Variants in CFTR observed in about 807,000 individuals in gnomAD.
CFTR encodes the protein cystic fibrosis transmembrane conductance regulator.
In CFTR, 181 loss-of-function variants were observed where a neutral mutation model predicts 171.6. The ratio of observed to expected loss-of-function variants is 1.05; its 90% CI spans 0.93 to 1.19. CFTR has a LOEUF of 1.19. Among genes scored for constraint, CFTR ranks in the 50% most tolerant of loss-of-function variants. The probability of loss-of-function intolerance (pLI) is 0.00; values close to 1 mark genes in which losing one functional copy is unlikely to be tolerated. For missense variants in CFTR, 1,968 were observed against 1,734.7 expected (o/e 1.13, Z -2.39); for synonymous variants, 583 against 608.0 (o/e 0.96, Z 0.60).
intron 1 of CFTR, among the ~76,000 whole-genome samples, chr7:117,498,955 A>G (rs1037503935): frequency 6.6e-6 from 1 of 152,078 alleles, no homozygotes; most frequent in Non-Finnish European, 1.5e-5. Flanking sequence ...TTAATTCCTC[A>G]AGTGTTAATT....
intron 12 of CFTR, among the ~76,000 whole-genome samples, chr7:117,588,323 A>G (rs185939830): frequency 6.4e-4 from 97 of 152,250 alleles, no homozygotes; most frequent in Middle Eastern, 3.4e-3. Context: ...AACAGGACAA[A>G]TGCATTAACA....
chr7:117,632,813 A>C (rs563564890), intron 22 of CFTR, among the ~76,000 whole-genome samples: 1 of 152,298 alleles, frequency 6.6e-6, no homozygotes, highest in African/African-American at 2.4e-5. Flanking sequence ...ATCTTTTCCA[A>C]GATAGGAGGA....
In CFTR at chr7:117,551,112, T is replaced by A. The variant is rs1417180569; in HGVS notation, c.1392+2289T>A. 2.0e-5 allele frequency among the ~76,000 whole-genome samples: 3 copies of A among 152,248 alleles called. No homozygotes were observed. The East Asian group carries it at 5.8e-4, about 29-fold the overall frequency. On this transcript the variant is annotated intron_variant, in intron 10 of 26. Coordinates refer to ENST00000003084, the MANE Select transcript of CFTR (RefSeq NM_000492.4). ...CCCAAATATGTTTGCAGAGATCTTA[T>A]GTAAAGCTCTTCATTATAACACTGC... is the stretch of plus-strand genomic sequence containing the variant.
intron 1 of CFTR, among the ~76,000 whole-genome samples, chr7:117,482,375 G>T (rs1008281217): frequency 6.6e-6 from 1 of 151,832 alleles, no homozygotes; most frequent in African/African-American, 2.4e-5. Flanking sequence ...AAACCAAAAA[G>T]TTTGGAAAAA....
At position 117,603,574 on chromosome 7, in the gene CFTR, T is replaced by A. The variant is rs672601315; in HGVS notation, c.2700T>A (p.Asn900Lys). 1.9e-6 allele frequency: 3 copies of A among 1,613,992 alleles called. No homozygotes were observed. Among genetic ancestry groups the A allele is most frequent in the Non-Finnish European group, 1.7e-6 (2 of 1,179,902 alleles). The change falls in exon 17 of 27, where the codon AAT becomes AAA. Residue 900 changes from asparagine to lysine, a missense_variant. By Grantham distance (94) the Asn-to-Lys change is moderately conservative. Transcript: ENST00000003084. Reference sequence around the variant, plus strand: ...AAGGGAATAGTACTCATAGTAGAAATAACAGCTATGCAGTGATTATCACCA... The same window carrying A: ...AAGGGAATAGTACTCATAGTAGAAAAAACAGCTATGCAGTGATTATCACCA... ...QDKGNSTHSR[N>K]NSYAVIITST...
chr7:117,534,248 AT>A lies in CFTR; in HGVS notation c.490-26del, dbSNP rs781120531. 2.8e-6 allele frequency: 3 copies of A among 1,081,556 alleles called. No homozygotes were observed. In the African/African-American group the frequency reaches 4.6e-5, roughly 17 times the overall value. 67.0% of individuals were successfully genotyped at this position (1,081,556 alleles called of 1,614,324 possible). ...ATATATTTGTATTTTGTTTGTTGAA[AT>A]TATCTAACTTTCCATTTTTCTTTTA... On this transcript the variant is annotated intron_variant, in intron 4 of 26. Coordinates refer to ENST00000003084, the MANE Select transcript of CFTR (RefSeq NM_000492.4).
At chr7:117,529,098 A>G (rs1480278092) in intron 3 of CFTR, among the ~76,000 whole-genome samples, 1 of 76,236 alleles carries the variant, frequency 1.3e-5, no homozygotes, top group African/African-American at 1.1e-4. Flanking sequence ...TCACAATAGG[A>G]AAGACTTGGA....
chr7:117,533,039 A>G (rs1562889911), intron 4 of CFTR, among the ~76,000 whole-genome samples: 1 of 152,226 alleles, frequency 6.6e-6, no homozygotes, highest in Non-Finnish European at 1.5e-5. Flanking sequence ...TAATGAATTT[A>G]AATACAAACA....
In CFTR at chr7:117,612,292, T is replaced by C. The variant is rs1584823135; in HGVS notation, c.3367+484T>C. Among the ~76,000 whole-genome samples, 6 of 151,162 alleles carry C rather than the reference T, an allele frequency of 4.0e-5. No individual in the cohort carries two copies. The South Asian group carries it at 1.3e-3, about 32-fold the overall frequency. ...CCTCTTGTCGGTAAGTTTTGTTTTT[T>C]TTAAATCTCTACTAGATAAAATTTG... On this transcript the variant is annotated intron_variant, in intron 20 of 26. Coordinates refer to ENST00000003084, the MANE Select transcript of CFTR (RefSeq NM_000492.4).
chr7:117,586,622 C>T (rs1056631927), intron 11 of CFTR, among the ~76,000 whole-genome samples: 1 of 151,872 alleles, frequency 6.6e-6, no homozygotes, highest in African/African-American at 2.4e-5. Flanking sequence ...ACAGAAGTAA[C>T]CATTTTGATA....
At chr7:117,590,176 G>T (rs1792003655) in intron 12 of CFTR, among the ~76,000 whole-genome samples, 177 bp from the exon 13 acceptor site, 1 of 151,856 alleles carries the variant, frequency 6.6e-6, no homozygotes, top group Non-Finnish European at 1.5e-5. Flanking sequence ...ATCTACCATA[G>T]TAAAAACATG....
At chr7:117,613,747 A>T (rs539459859) in intron 20 of CFTR, among the ~76,000 whole-genome samples, 2 of 152,210 alleles carry the variant, frequency 1.3e-5, no homozygotes, top group African/African-American at 4.8e-5. Context: ...CAAAAATTTC[A>T]ATTAATAATA....
intron 9 of CFTR, among the ~76,000 whole-genome samples, chr7:117,546,749 A>G (rs1239935511): frequency 6.6e-6 from 1 of 152,308 alleles, no homozygotes; most frequent in East Asian, 1.9e-4. Context: ...TGCCATATAC[A>G]TCTGATCCAG....
chr7:117,542,169 T>A, intron 9 of CFTR, 61 bp downstream of exon 9: 1 of 825,846 alleles, frequency 1.2e-6, no homozygotes, highest in East Asian at 2.5e-5. Context: ...TTTGTGAATA[T>A]GGATTTCATC....
chr7:117,486,887 AG>A (rs1331666847), intron 1 of CFTR, among the ~76,000 whole-genome samples: 1 of 2,016 alleles, frequency 5.0e-4, no homozygotes, highest in East Asian at 0.017. Flanking sequence ...GGTGGGGGGG[AG>A]GGGGCGGGGA....
At chr7:117,512,891 C>T (rs752890392) in intron 3 of CFTR, among the ~76,000 whole-genome samples, 6 of 152,088 alleles carry the variant, frequency 3.9e-5, no homozygotes, top group African/African-American at 7.2e-5. Context: ...GTCAGTGCAG[C>T]CTAGGTCAGA....
intron 11 of CFTR, among the ~76,000 whole-genome samples, chr7:117,563,868 A>G (rs1484664690): frequency 1.3e-5 from 2 of 152,124 alleles, no homozygotes; most frequent in Non-Finnish European, 2.9e-5. Flanking sequence ...TTTGGAACTG[A>G]TTTAGGCTTC....
intron 11 of CFTR, among the ~76,000 whole-genome samples, chr7:117,560,984 T>A (rs1799455258): frequency 6.6e-6 from 1 of 152,098 alleles, no homozygotes; most frequent in Non-Finnish European, 1.5e-5. Flanking sequence ...GTTAAGTATG[T>A]GTTTTCCCAT....
At position 117,606,773 on chromosome 7, in the gene CFTR, G is replaced by A. The variant is rs183819332; in HGVS notation, c.2988+20G>A. The A allele has an allele frequency of 2.0e-5, 25 of 1,252,010 alleles. No homozygotes were observed. The East Asian group carries it at 2.8e-4, about 14-fold the overall frequency. 77.6% of individuals were successfully genotyped at this position (1,252,010 alleles called of 1,614,324 possible). ...ATCCAGGTATGTAAAAATAAGTACC[G>A]TTAAGTATGTCTGTATTATTAAAAA... On this transcript the variant is annotated intron_variant, in intron 18 of 26. Transcript: ENST00000003084.
Sources: allele counts gnomAD v4.1 joint callset (sites outside exome capture counted in the v4.1 genomes callset), GRCh38; gene constraint gnomAD v4.1.1; transcripts MANE v1.5; gene names NCBI Gene and HGNC (gene_info 2026-07-23, HGNC 2026-07-21).